The following FOXJ3 variants were observed in gnomAD, a reference collection of about 807,000 sequenced individuals.
FOXJ3 encodes forkhead box J3, also known as forkhead box protein J3.
In FOXJ3, 22 loss-of-function variants were observed where a neutral mutation model predicts 76.1. That is an observed-to-expected ratio of 0.29 (90% CI 0.21 to 0.41). The LOEUF is 0.41. Ranked by LOEUF, FOXJ3 falls within the 10% of genes least tolerant of loss-of-function variation. The pLI is 1.00. For missense variants in FOXJ3, 613 were observed against 762.1 expected (o/e 0.80, Z 2.30); for synonymous variants, 269 against 261.2 (o/e 1.03, Z -0.29).
rs899043146 is a variant in FOXJ3, at chr1:42,184,672, T to C, written c.1646-2648A>G. ...GTAGGGGCAAACAAAGTAAATTAAA[T>C]AGTATGTAACATGCTATGGAAAAAA... On this transcript the variant is annotated intron_variant, in intron 11 of 12. Coordinates refer to ENST00000361346, the MANE Select transcript of FOXJ3 (RefSeq NM_014947.5). Among the ~76,000 whole-genome samples the C allele has an allele frequency of 4.6e-5, 7 of 152,148 alleles. No homozygotes were observed. The East Asian group carries it at 9.6e-4, about 21-fold the overall frequency.
chr1:42,206,878 T>TG (rs1238355812), intron 5 of FOXJ3, among the ~76,000 whole-genome samples: 2 of 152,144 alleles, frequency 1.3e-5, no homozygotes, highest in African/African-American at 4.8e-5. Context: ...TTGCCCAGGC[T>TG]GTAGTGCAGT....
intron 5 of FOXJ3, among the ~76,000 whole-genome samples, chr1:42,214,314 C>T (rs1203242200): frequency 6.6e-6 from 1 of 152,134 alleles, no homozygotes; most frequent in Non-Finnish European, 1.5e-5. Flanking sequence ...ATTCTATATT[C>T]TTAATAGGCA....
chr1:42,245,053 G>A (rs1367268753), intron 4 of FOXJ3, among the ~76,000 whole-genome samples: 10 of 151,446 alleles, frequency 6.6e-5, no homozygotes, highest in South Asian at 2.1e-4. Flanking sequence ...GGTGGCGTGC[G>A]CCTGTAATCC....
rs367964586 is a variant in FOXJ3 at position 42,181,889 on chromosome 1, ACACACT to A, written c.1753+22_1753+27del. The A allele has an allele frequency of 1.1e-4, 158 of 1,409,854 alleles. 1 individual carries two copies. The African/African-American group carries it at 1.8e-3, about 16-fold the overall frequency. The allele number at this position is 1,409,854 out of a possible 1,614,324, so 87.3% of individuals were successfully genotyped here. On this transcript the variant is annotated intron_variant, in intron 12 of 12. Coordinates refer to ENST00000361346, the MANE Select transcript of FOXJ3 (RefSeq NM_014947.5). ...CTCACACACACACACACACACACAC[ACACACT>A]CACTCTCTCTCTCTCTCTTACCTGC...
At chr1:42,191,972 G>A (rs1157970225) in intron 8 of FOXJ3, among the ~76,000 whole-genome samples, 2 of 152,144 alleles carry the variant, frequency 1.3e-5, no homozygotes, top group African/African-American at 4.8e-5. Flanking sequence ...AAAGTATACA[G>A]AGGATTATGA....
intron 5 of FOXJ3, among the ~76,000 whole-genome samples, chr1:42,209,153 T>G (rs941021701): frequency 1.3e-5 from 2 of 152,186 alleles, no homozygotes; most frequent in Admixed American, 6.5e-5. Flanking sequence ...TCCTAAAGAC[T>G]TCAACAAAAA....
At chr1:42,184,792 AACAACGG>A (rs1441049130) in intron 11 of FOXJ3, among the ~76,000 whole-genome samples, 1 of 152,022 alleles carries the variant, frequency 6.6e-6, no homozygotes, top group African/African-American at 2.4e-5. Context: ...TTTGAGGAAA[AACAACGG>A]AACAAGATGA....
intron 1 of FOXJ3, among the ~76,000 whole-genome samples, chr1:42,322,321 T>C (rs929994291): frequency 2.6e-5 from 4 of 152,130 alleles, no homozygotes; most frequent in African/African-American, 9.7e-5. Flanking sequence ...TATTAGATGA[T>C]ACCTAAAAAT....
chr1:42,282,652 G>C (rs563487732), intron 2 of FOXJ3, among the ~76,000 whole-genome samples: 2 of 152,064 alleles, frequency 1.3e-5, no homozygotes, highest in Non-Finnish European at 2.9e-5. Context: ...AAATAACATA[G>C]TAACTGGATA....
At chr1:42,191,206 A>G (rs1646533952) in intron 9 of FOXJ3, 97 bp downstream of exon 9, 1 of 1,111,900 alleles carries the variant, frequency 9.0e-7, no homozygotes, top group Non-Finnish European at 1.3e-6. Context: ...ACAGATGTAA[A>G]GAGGTTTTGG....
In FOXJ3 at chr1:42,311,033, A is replaced by C. The variant is rs1654776270; in HGVS notation, c.44+17T>G. ...ATGTTATATGTTCTAATAAAGAAAA[A>C]AAAAAAGAGCACTCACCTTAATGAA... On this transcript the variant is annotated intron_variant, in intron 2 of 12. Coordinates refer to ENST00000361346, the MANE Select transcript of FOXJ3 (RefSeq NM_014947.5). 3 of 1,553,642 alleles carry C rather than the reference A, an allele frequency of 1.9e-6. No homozygotes were observed. The highest frequency in any genetic ancestry group is 1.7e-6 in the Non-Finnish European group (2 of 1,144,526).
chr1:42,324,115 G>GTGTATATATAGTA (rs1553170589), intron 1 of FOXJ3, among the ~76,000 whole-genome samples: 5 of 52,358 alleles, frequency 9.5e-5, no homozygotes, highest in African/African-American at 2.0e-4. Context: ...TATATACACT[G>GTGTATATATAGTA]TATATACACA....
intron 12 of FOXJ3, among the ~76,000 whole-genome samples, chr1:42,180,496 G>A (rs1330818520): frequency 6.6e-6 from 1 of 152,136 alleles, no homozygotes; most frequent in Non-Finnish European, 1.5e-5. Context: ...CTTTTTAAAA[G>A]TAGAGGTTGA....
intron 1 of FOXJ3, among the ~76,000 whole-genome samples, chr1:42,334,320 A>C (rs990027058): frequency 6.6e-6 from 1 of 152,204 alleles, no homozygotes; most frequent in African/African-American, 2.4e-5. Flanking sequence ...TCGGCAAAGC[A>C]AACTGACCCT....
intron 12 of FOXJ3, among the ~76,000 whole-genome samples, chr1:42,180,528 CTTTT>C (rs1646298040): frequency 6.6e-6 from 1 of 152,092 alleles, no homozygotes; most frequent in African/African-American, 2.4e-5. Flanking sequence ...AGAATTCTTT[CTTTT>C]ATTACAAATT....
intron 5 of FOXJ3, among the ~76,000 whole-genome samples, chr1:42,217,297 G>A (rs1424446852): frequency 6.6e-6 from 1 of 152,144 alleles, no homozygotes; most frequent in Non-Finnish European, 1.5e-5. Flanking sequence ...TTGGGAGGCC[G>A]AGGGTGGCGG....
intron 11 of FOXJ3, among the ~76,000 whole-genome samples, chr1:42,184,266 G>T (rs1011990140): frequency 6.6e-6 from 1 of 152,032 alleles, no homozygotes; most frequent in Non-Finnish European, 1.5e-5. Flanking sequence ...ATGTCATAAT[G>T]AAAATGTAAA....
intron 1 of FOXJ3, among the ~76,000 whole-genome samples, chr1:42,332,390 T>C (rs527524155): frequency 6.6e-6 from 1 of 152,350 alleles, no homozygotes; most frequent in Non-Finnish European, 1.5e-5. Context: ...CTGATTTTAA[T>C]ACCTTATTAT....
At chr1:42,213,992 A>G (rs1352997282) in intron 5 of FOXJ3, among the ~76,000 whole-genome samples, 1 of 152,232 alleles carries the variant, frequency 6.6e-6, no homozygotes, top group Non-Finnish European at 1.5e-5. Flanking sequence ...CAATGTATAC[A>G]TGTGCTGAAA....
Sources: allele counts gnomAD v4.1 joint callset (sites outside exome capture counted in the v4.1 genomes callset), GRCh38; gene constraint gnomAD v4.1.1; transcripts MANE v1.5; gene names NCBI Gene and HGNC (gene_info 2026-07-23, HGNC 2026-07-21).